The following RAD51B variants were observed in gnomAD, a reference collection of about 807,000 sequenced individuals.
RAD51B encodes RAD51 paralog B.
In RAD51B, 38 loss-of-function variants were observed where a neutral mutation model predicts 42.2. That is an observed-to-expected ratio of 0.90 (90% CI 0.70 to 1.18). The LOEUF (loss-of-function observed/expected upper bound fraction) is 1.18. Ranked by LOEUF, RAD51B falls within the 50% of genes most tolerant of loss-of-function variation. The pLI is 0.00. For synonymous variants in RAD51B, 154 were observed against 145.2 expected (o/e 1.06, Z -0.43); for missense variants, 373 against 400.7 (o/e 0.93, Z 0.59).
At chr14:68,235,149 G>A (rs1159680485) in intron 7 of RAD51B, among the ~76,000 whole-genome samples, 3 of 151,818 alleles carry the variant, frequency 2.0e-5, no homozygotes, top group African/African-American at 7.3e-5. Context: ...GTACATTATT[G>A]TATGTGCTGT....
intron 7 of RAD51B, among the ~76,000 whole-genome samples, chr14:67,936,260 C>T (rs1335357757): frequency 6.6e-6 from 1 of 152,156 alleles, no homozygotes; most frequent in African/African-American, 2.4e-5. Context: ...TCTGCATTTC[C>T]ACCTTCCCCA....
intron 10 of RAD51B, among the ~76,000 whole-genome samples, chr14:68,470,255 T>C (rs1357711102): frequency 6.6e-6 from 1 of 152,148 alleles, no homozygotes; most frequent in Non-Finnish European, 1.5e-5. Flanking sequence ...TCTAAGTTGT[T>C]TTCTCTATCC....
At chr14:68,112,991 T>C (rs529613004) in intron 7 of RAD51B, among the ~76,000 whole-genome samples, 1 of 152,282 alleles carries the variant, frequency 6.6e-6, no homozygotes, top group African/African-American at 2.4e-5. Context: ...TCTGAACTTG[T>C]AAGATTTTGA....
chr14:68,158,614 A>T (rs375310336), intron 7 of RAD51B, among the ~76,000 whole-genome samples: 74 of 152,288 alleles, frequency 4.9e-4, no homozygotes, highest in Admixed American at 4.8e-3. Context: ...AAAATTTTTG[A>T]TAGAGGATAA....
chr14:68,468,255 G>A lies in RAD51B; in HGVS notation c.1036+5G>A, dbSNP rs148518198. 700 of 1,609,584 alleles carry A rather than the reference G, an allele frequency of 4.3e-4. No homozygotes were observed. Among genetic ancestry groups the A allele is most frequent in the Middle Eastern group, 6.6e-4 (4 of 6,044 alleles). ...AGGAAGGCCTGGTTCTTCAAGGTAA[G>A]ATCCTTGGATTAAGCCATTTCTTTA... On this transcript the variant is annotated splice_donor_5th_base_variant and intron_variant, in intron 10 of 10. Transcript: ENST00000471583.
chr14:68,223,342 T>C (rs538458738), intron 7 of RAD51B, among the ~76,000 whole-genome samples: 1 of 152,352 alleles, frequency 6.6e-6, no homozygotes, highest in East Asian at 1.9e-4. Flanking sequence ...GTCTAATGAA[T>C]GGGAATTTTT....
chr14:67,832,927 A>C (rs1390172084), intron 3 of RAD51B, among the ~76,000 whole-genome samples: 1 of 152,254 alleles, frequency 6.6e-6, no homozygotes, highest in African/African-American at 2.4e-5. Flanking sequence ...TTAATATCCC[A>C]GAAGATTAAT....
At chr14:68,329,157 T>C (rs1426087292) in intron 8 of RAD51B, among the ~76,000 whole-genome samples, 4 of 152,114 alleles carry the variant, frequency 2.6e-5, no homozygotes, top group Non-Finnish European at 5.9e-5. Flanking sequence ...AAGAGGTGTA[T>C]GCCACCACAT....
At chr14:68,250,769 A>G (rs1403115527) in intron 7 of RAD51B, among the ~76,000 whole-genome samples, 3 of 152,198 alleles carry the variant, frequency 2.0e-5, no homozygotes, top group Non-Finnish European at 2.9e-5. Context: ...GGGGTCTAAC[A>G]GAAGAAAAAA....
At chr14:68,022,109 G>C (rs1486550595) in intron 7 of RAD51B, among the ~76,000 whole-genome samples, 1 of 152,152 alleles carries the variant, frequency 6.6e-6, no homozygotes, top group South Asian at 2.1e-4. Flanking sequence ...GTAGTCCACA[G>C]TGTCTATTGT....
At chr14:68,030,943 A>G (rs1181894486) in intron 7 of RAD51B, among the ~76,000 whole-genome samples, 1 of 152,174 alleles carries the variant, frequency 6.6e-6, no homozygotes, top group African/African-American at 2.4e-5. Context: ...GAGAGAGATG[A>G]AGGGGAATGG....
At chr14:68,433,251 T>C (rs1460429540) in intron 9 of RAD51B, among the ~76,000 whole-genome samples, 2 of 152,194 alleles carry the variant, frequency 1.3e-5, no homozygotes, top group African/African-American at 4.8e-5. Flanking sequence ...TTGAGGAGTA[T>C]CTTTGTGGCG....
chr14:67,832,998 T>C (rs1429016631), intron 3 of RAD51B, among the ~76,000 whole-genome samples: 1 of 152,180 alleles, frequency 6.6e-6, no homozygotes, highest in Non-Finnish European at 1.5e-5. Flanking sequence ...TCTAAATACA[T>C]CAGAATGATC....
intron 10 of RAD51B, among the ~76,000 whole-genome samples, chr14:68,619,443 C>T (rs1456536438): frequency 7.3e-6 from 1 of 137,320 alleles, no homozygotes; most frequent in Non-Finnish European, 1.5e-5. Flanking sequence ...GCCTGGGTGA[C>T]AGAGTGAGAC....
intron 7 of RAD51B, among the ~76,000 whole-genome samples, chr14:67,983,438 A>G (rs937882143): frequency 1.3e-5 from 2 of 152,228 alleles, no homozygotes; most frequent in Non-Finnish European, 2.9e-5. Context: ...CAGTCTGAGT[A>G]AAAGCAAATA....
At chr14:68,200,396 T>C (rs374441433) in intron 7 of RAD51B, among the ~76,000 whole-genome samples, 2 of 152,228 alleles carry the variant, frequency 1.3e-5, no homozygotes, top group African/African-American at 4.8e-5. Context: ...ATGTTATTGC[T>C]TTTATTTAAA....
intron 11 of RAD51B, among the ~76,000 whole-genome samples, chr14:68,653,871 G>C (rs908493018): frequency 3.3e-5 from 5 of 152,252 alleles, no homozygotes; most frequent in Non-Finnish European, 7.3e-5. Flanking sequence ...ATGTGCAAAG[G>C]CACAGGGGTA....
At chr14:67,862,620 A>G (rs1256717183) in intron 4 of RAD51B, among the ~76,000 whole-genome samples, 3 of 152,174 alleles carry the variant, frequency 2.0e-5, no homozygotes, top group Admixed American at 2.0e-4. Context: ...CTTTAATTTC[A>G]ATCCTTGCAT....
chr14:68,185,971 G>A (rs1354446861), intron 7 of RAD51B, among the ~76,000 whole-genome samples: 1 of 152,146 alleles, frequency 6.6e-6, no homozygotes, highest in Non-Finnish European at 1.5e-5. Context: ...TATAGTATAA[G>A]GCTGCAGTAA....
Sources: allele counts gnomAD v4.1 joint callset (sites outside exome capture counted in the v4.1 genomes callset), GRCh38; gene constraint gnomAD v4.1.1; transcripts MANE v1.5; gene names NCBI Gene and HGNC (gene_info 2026-07-23, HGNC 2026-07-21).